TOMM70: variants seen among roughly 807,000 people sequenced by gnomAD.
The protein encoded by TOMM70 is translocase of outer mitochondrial membrane 70, also known as mitochondrial import receptor subunit TOM70.
In TOMM70, 13 loss-of-function variants were observed where a neutral mutation model predicts 73.6. The ratio of observed to expected loss-of-function variants is 0.18; its 90% CI spans 0.11 to 0.28. TOMM70 has a LOEUF of 0.28. TOMM70 is among the 10% of genes least tolerant of loss of function. The pLI is 1.00. For missense variants in TOMM70, 609 were observed against 747.5 expected (o/e 0.81, Z 2.16); for synonymous variants, 257 against 271.2 (o/e 0.95, Z 0.51).
In TOMM70 at chr3:100,386,867, T is replaced by C. The variant is rs771898041; in HGVS notation, c.436A>G (p.Thr146Ala). ...CYTEAISLCP[T>A]EKNVDLSTFY... ...GTAGAAAGGTCAACATTCTTCTCTG[T>C]AGGGCACAAGCTAATAGCCTCAGTA... Residue 146 changes from threonine to alanine, a missense_variant, in exon 2 of 12, where the codon ACA becomes GCA. Coordinates refer to ENST00000284320, the MANE Select transcript of TOMM70 (RefSeq NM_014820.5). 1.3e-5 allele frequency: 21 copies of C among 1,614,156 alleles called. No individual in the cohort carries two copies. The highest frequency in any genetic ancestry group is 2.2e-5 in the East Asian group (1 of 44,854).
Position 100,364,050 on chromosome 3 carries a change from TAAAC to T in TOMM70, c.*1510_*1513del, listed in dbSNP as rs1272224057. The stretch of plus-strand genomic sequence containing the variant: ...ACCATAATTATAATTCGTTCTTAAA[TAAAC>T]CTCTCCCCATCCTGAGTATTTCAAA... On this transcript the variant is annotated 3_prime_UTR_variant, in exon 12 of 12. Coordinates refer to ENST00000284320, the MANE Select transcript of TOMM70 (RefSeq NM_014820.5). 9.9e-5 allele frequency: 15 copies of T among 152,188 alleles called. No individual in the cohort carries two copies. Among genetic ancestry groups the T allele is most frequent in the Admixed American group, 9.8e-4 (15 of 15,282 alleles). The allele number at this position is 152,188 out of a possible 1,614,324, so 9.4% of individuals were successfully genotyped here. A position where few individuals can be genotyped will look rare whatever the true frequency, so the allele number is the denominator to read the frequency against.
chr3:100,385,484 C>G (rs1706680852), intron 3 of TOMM70, among the ~76,000 whole-genome samples: 1 of 152,158 alleles, frequency 6.6e-6, no homozygotes, highest in African/African-American at 2.4e-5. Context: ...TTTACTGATG[C>G]TTTTAAAGCA....
At chr3:100,378,138 G>T (rs1706587152) in intron 5 of TOMM70, among the ~76,000 whole-genome samples, 1 of 152,088 alleles carries the variant, frequency 6.6e-6, no homozygotes, top group Non-Finnish European at 1.5e-5. Context: ...AGATACTTAG[G>T]AGGCTGAGGC....
chr3:100,392,410 T>A (rs1227745795), intron 1 of TOMM70, among the ~76,000 whole-genome samples: 1 of 152,252 alleles, frequency 6.6e-6, no homozygotes, highest in Middle Eastern at 3.4e-3. Flanking sequence ...TCAAACAGTA[T>A]GGAAGATTTC....
In TOMM70 at chr3:100,363,871, ACCT is replaced by A. The variant is rs991043980; in HGVS notation, c.*1690_*1692del. ...TATTAACTGCACCAACTAATTAGTG[ACCT>A]CCTCAATATTTTCCAAAGATTGACT... On this transcript the variant is annotated 3_prime_UTR_variant, in exon 12 of 12. Transcript: ENST00000284320. 1.3e-5 allele frequency: 2 copies of A among 152,108 alleles called. No homozygotes were observed. The highest frequency in any genetic ancestry group is 2.9e-5 in the Non-Finnish European group (2 of 68,030). 9.4% of individuals were successfully genotyped at this position (152,108 alleles called of 1,614,324 possible).
chr3:100,400,891 C>A lies in TOMM70; in HGVS notation c.59G>T (p.Gly20Val), dbSNP rs1706893752. 1 of 1,530,822 alleles carries A rather than the reference C, an allele frequency of 6.5e-7. No homozygotes were observed. Among genetic ancestry groups the A allele is most frequent in the Non-Finnish European group, 8.7e-7 (1 of 1,145,580 alleles). 94.8% of individuals were successfully genotyped at this position (1,530,822 alleles called of 1,614,324 possible). A position where few individuals can be genotyped will look rare whatever the true frequency, so the allele number is the denominator to read the frequency against. Reference protein sequence around the residue: ...AVVAAAVPSSGSGVGGGGTAG... With the variant: ...AVVAAAVPSSVSGVGGGGTAG... ...AGTCCCGCCGCCGCCCACCCCACTC[C>A]CGGAGCTCGGTACAGCGGCTGCGAC... The change falls in exon 1 of 12, where the codon GGG becomes GTG. Residue 20 changes from glycine (G) to valine (V), a missense_variant. Physicochemically the swap from Gly to Val is moderately radical, Grantham distance 109. Transcript: ENST00000284320.
chr3:100,374,559 T>C (rs577084130), intron 7 of TOMM70, among the ~76,000 whole-genome samples: 1 of 152,352 alleles, frequency 6.6e-6, no homozygotes, highest in South Asian at 2.1e-4. Context: ...CTTCACTATA[T>C]ATTTCTACTA....
intron 7 of TOMM70, 61 bp from the exon 8 acceptor site, chr3:100,373,706 C>A: frequency 1.7e-6 from 2 of 1,144,272 alleles, no homozygotes; most frequent in Non-Finnish European, 1.3e-6. Context: ...TGTTCAGTGT[C>A]TCATCTCTAT....
At chr3:100,398,118 C>G (rs192449681) in intron 1 of TOMM70, among the ~76,000 whole-genome samples, 3 of 152,016 alleles carry the variant, frequency 2.0e-5, no homozygotes, top group Non-Finnish European at 4.4e-5. Flanking sequence ...TGAGGTGGCT[C>G]GTGCCTGTAA....
chr3:100,386,847 A>G lies in TOMM70; in HGVS notation c.456T>C (p.Leu152=). ...SLCPTEKNVD[L]STFYQNRAAA... ...CAGCTCTGTTTTGATAAAATGTAGA[A>G]AGGTCAACATTCTTCTCTGTAGGGC... The change falls in exon 2 of 12, where the codon CTT becomes CTC. Residue 152 remains leucine, a synonymous_variant. Coordinates refer to ENST00000284320, the MANE Select transcript of TOMM70 (RefSeq NM_014820.5). 3 of 1,614,146 alleles carry G rather than the reference A, an allele frequency of 1.9e-6. No homozygotes were observed. Among genetic ancestry groups the G allele is most frequent in the Non-Finnish European group, 2.5e-6 (3 of 1,180,008 alleles).
chr3:100,392,695 G>A (rs1706776594), intron 1 of TOMM70, among the ~76,000 whole-genome samples: 1 of 151,972 alleles, frequency 6.6e-6, no homozygotes, highest in South Asian at 2.1e-4. Context: ...TGGGATTACA[G>A]GCATAAGTTA....
At chr3:100,373,465 G>T in intron 8 of TOMM70, 73 bp downstream of exon 8, 2 of 1,227,444 alleles carry the variant, frequency 1.6e-6, no homozygotes, top group South Asian at 1.4e-5. Flanking sequence ...TGTAGACAAT[G>T]AGATACTCAT....
chr3:100,376,384 T>TTTTTTTTTTTA (rs56879793), intron 6 of TOMM70, among the ~76,000 whole-genome samples: 1 of 150,326 alleles, frequency 6.7e-6, no homozygotes, highest in Non-Finnish European at 1.5e-5. Context: ...TTTTTTTTTT[T>TTTTTTTTTTTA]GAGACAGGAT....
chr3:100,377,131 A>G (rs953419068), intron 6 of TOMM70, among the ~76,000 whole-genome samples: 39 of 152,302 alleles, frequency 2.6e-4, no homozygotes, highest in Admixed American at 2.1e-3. Context: ...TAATATAGTT[A>G]ATTGGTGGTT....
chr3:100,389,586 A>G (rs115551649), intron 1 of TOMM70, among the ~76,000 whole-genome samples: 2,358 of 152,348 alleles, frequency 0.015, 38 homozygotes, highest in Non-Finnish European at 0.02. Flanking sequence ...GAATGTAAAA[A>G]GTTGTGGAAG....
intron 1 of TOMM70, among the ~76,000 whole-genome samples, chr3:100,397,686 T>C (rs897160010): frequency 6.6e-6 from 1 of 151,914 alleles, no homozygotes; most frequent in Non-Finnish European, 1.5e-5. Flanking sequence ...GTCAGGAGTT[T>C]GAGACCAGCC....
chr3:100,392,255 G>C (rs1007795309), intron 1 of TOMM70, among the ~76,000 whole-genome samples: 8 of 152,132 alleles, frequency 5.3e-5, no homozygotes, highest in African/African-American at 1.7e-4. Context: ...AAATTTTTGA[G>C]CCAACAAGCA....
chr3:100,395,097 C>T lies in TOMM70; in HGVS notation c.324+5529G>A, dbSNP rs117085215. On this transcript the variant is annotated intron_variant, in intron 1 of 11. Transcript: ENST00000284320. ...GAGGTTTAAGATTTACGGCCAGGCG[C>T]GGTGGCTCACGCCTGTAATCCTAGC... Among the ~76,000 whole-genome samples, 1,488 of 152,170 alleles carry T rather than the reference C, an allele frequency of 9.8e-3. 53 individuals carry two copies. In the East Asian group the frequency reaches 0.11, roughly 11 times the overall value.
chr3:100,369,196 T>C (rs1041553453), intron 9 of TOMM70, 61 bp from the exon 10 acceptor site: 1 of 1,154,644 alleles, frequency 8.7e-7, no homozygotes, highest in Admixed American at 2.0e-5. Context: ...GTTAAAAGTA[T>C]ACTTATTATT....
Sources: allele counts gnomAD v4.1 joint callset (sites outside exome capture counted in the v4.1 genomes callset), GRCh38; gene constraint gnomAD v4.1.1; transcripts MANE v1.5; gene names NCBI Gene and HGNC (gene_info 2026-07-23, HGNC 2026-07-21).